The following SERPINA5 variants were observed in gnomAD, a reference collection of about 807,000 sequenced individuals.
SERPINA5 encodes serpin family A member 5, also known as plasma serine protease inhibitor.
In SERPINA5, 25 loss-of-function variants were observed where a neutral mutation model predicts 25.3. That is an observed-to-expected ratio of 0.99 (90% CI 0.72 to 1.38). The LOEUF (loss-of-function observed/expected upper bound fraction) is 1.38, where lower values mean the gene tolerates loss of function less well. Ranked by LOEUF, SERPINA5 falls within the 40% of genes most tolerant of loss-of-function variation. SERPINA5 has a pLI of 0.00. For synonymous variants in SERPINA5, 234 were observed against 206.2 expected, an observed-to-expected ratio of 1.14 and a Z score of -1.16; for missense variants, 599 against 509.5, an observed-to-expected ratio of 1.18 and a Z score of -1.69.
At chr14:94,586,842 A>G (rs1885102622) in intron 2 of SERPINA5, 1 of 152,982 alleles carries the variant, frequency 6.5e-6, no homozygotes, top group African/African-American at 2.4e-5. Flanking sequence ...TGCTGAATGA[A>G]CAGGGCAAGG....
intron 3 of SERPINA5, among the ~76,000 whole-genome samples, chr14:94,588,724 C>A (rs1885178868): frequency 1.3e-5 from 2 of 152,184 alleles, no homozygotes; most frequent in South Asian, 4.1e-4. Context: ...GGCTTAGCAA[C>A]AACAAACATA....
At chr14:94,591,270 A>C (rs1159557398) in intron 5 of SERPINA5, among the ~76,000 whole-genome samples, 15 of 75,922 alleles carry the variant, frequency 2.0e-4, no homozygotes, top group South Asian at 4.2e-4. Flanking sequence ...CCTCCACTCC[A>C]CTCCTCCACT....
chr14:94,588,787 T>C (rs909846027), intron 3 of SERPINA5, among the ~76,000 whole-genome samples: 8 of 152,164 alleles, frequency 5.3e-5, no homozygotes, highest in African/African-American at 1.9e-4. Context: ...CACTGGCAGA[T>C]GCAGTGCCCA....
intron 2 of SERPINA5, among the ~76,000 whole-genome samples, chr14:94,583,819 C>G (rs982288354): frequency 3.3e-5 from 5 of 152,202 alleles, no homozygotes; most frequent in African/African-American, 9.7e-5. Flanking sequence ...GGCAGCCCAA[C>G]CAAGCTTTCA....
rs1885334470 is a variant in SERPINA5, at chr14:94,592,374, T to C, written c.*135T>C. 2 of 851,144 alleles carry C rather than the reference T, an allele frequency of 2.3e-6. No individual in the cohort carries two copies. The highest frequency in any genetic ancestry group is 1.8e-5 in the South Asian group (1 of 54,714). The allele number at this position is 851,144 out of a possible 1,614,324, so 52.7% of individuals were successfully genotyped here. On this transcript the variant is annotated 3_prime_UTR_variant, in exon 6 of 6. Transcript: ENST00000329597. ...AATGAGGCATTACAAATAATATTAC[T>C]CTATGATGATTGCTTCCACCCACAC...
At position 94,590,140 on chromosome 14, in the gene SERPINA5, A is replaced by G. The variant is rs1316700520; in HGVS notation, c.719A>G (p.Asp240Gly). Residue 240 changes from aspartate (D) to glycine (G), a missense_variant, in exon 4 of 6, where the codon GAT (aspartate) becomes GGT (glycine). Asp to Gly is a moderately conservative substitution (Grantham distance 94). Coordinates refer to ENST00000329597, the MANE Select transcript of SERPINA5 (RefSeq NM_000624.6). ...VVRVPMMSRE[D>G]QYHYLLDRNL... ...CGGGTACCCATGATGAGCCGCGAGG[A>G]TCAGTATCACTACCTCCTGGACCGG... 1.9e-6 allele frequency: 3 copies of G among 1,613,984 alleles called. No homozygotes were observed. The highest frequency in any genetic ancestry group is 2.5e-6 in the Non-Finnish European group (3 of 1,180,022).
At chr14:94,585,015 G>A (rs533958285) in intron 2 of SERPINA5, among the ~76,000 whole-genome samples, 1 of 152,186 alleles carries the variant, frequency 6.6e-6, no homozygotes, top group Non-Finnish European at 1.5e-5. Flanking sequence ...CTGCAGATTA[G>A]GGCTATTGTT....
Position 94,590,110 on chromosome 14 carries a change from TG to T in SERPINA5, c.691del (p.Val231CysfsTer5). 6.2e-7 allele frequency: 1 copy of T among 1,613,854 alleles called. No individual in the cohort carries two copies. Among genetic ancestry groups the T allele is most frequent in the Non-Finnish European group, 8.5e-7 (1 of 1,179,848 alleles). ...EQDFYVTSET[V>X]VRVPMMSRED... is the part of the protein sequence containing the mutation. ...GACTTCTACGTGACCTCGGAGACTG[TG>T]GTGCGGGTACCCATGATGAGCCGCG... On this transcript the variant is annotated frameshift_variant, in exon 4 of 6. Transcript: ENST00000329597. LOFTEE classifies it high-confidence loss of function.
chr14:94,585,256 G>T (rs767849921), intron 2 of SERPINA5, among the ~76,000 whole-genome samples: 5 of 152,162 alleles, frequency 3.3e-5, no homozygotes, highest in Non-Finnish European at 5.9e-5. Context: ...GGCTGAAGGA[G>T]TTGGCACAGT....
At chr14:94,583,505 C>A (rs1198919935) in intron 2 of SERPINA5, among the ~76,000 whole-genome samples, 1 of 152,188 alleles carries the variant, frequency 6.6e-6, no homozygotes, top group Non-Finnish European at 1.5e-5. Flanking sequence ...TCTGCCTGGG[C>A]TCCAAGCCTC....
intron 5 of SERPINA5, among the ~76,000 whole-genome samples, chr14:94,591,462 C>T (rs1885288782): frequency 6.6e-6 from 1 of 151,326 alleles, no homozygotes; most frequent in South Asian, 2.1e-4. Flanking sequence ...CTCCACTCCA[C>T]TCTCTACTAT....
chr14:94,591,797 C>T (rs1885311802), intron 5 of SERPINA5, among the ~76,000 whole-genome samples: 1 of 152,132 alleles, frequency 6.6e-6, no homozygotes. Context: ...TCTGAGCTTC[C>T]TTTCTCTCTT....
chr14:94,585,764 C>CGTGT (rs3138588), intron 2 of SERPINA5, among the ~76,000 whole-genome samples: 5,029 of 145,774 alleles, frequency 0.034, 138 homozygotes, highest in African/African-American at 0.074. Context: ...CAGGCTCACA[C>CGTGT]GTGTGTGTGT....
At position 94,591,564 on chromosome 14, in the gene SERPINA5, A is replaced by ATTCTATTCTATTCTATTCTATTCTATTC. The variant is rs1566839331; in HGVS notation, c.1039-491_1039-464dup. ...ATTCTGTTCTGTTCTATTCTATTCT[A>ATTCTATTCTATTCTATTCTATTCTATTC]TTCTATTCTATTCTATTCTATTCTA... On this transcript the variant is annotated intron_variant, in intron 5 of 5. Coordinates refer to ENST00000329597, the MANE Select transcript of SERPINA5 (RefSeq NM_000624.6). 1.5e-3 allele frequency among the ~76,000 whole-genome samples: 214 copies of ATTCTATTCTATTCTATTCTATTCTATTC among 144,482 alleles called. 1 individual carries two copies. The highest frequency in any genetic ancestry group is 5.4e-3 in the African/African-American group (206 of 37,822). 94.8% of individuals were successfully genotyped at this position (144,482 alleles called of 152,430 possible).
At chr14:94,585,796 T>TGTGTGTGC (rs1555384393) in intron 2 of SERPINA5, among the ~76,000 whole-genome samples, 24 of 132,698 alleles carry the variant, frequency 1.8e-4, no homozygotes, top group Middle Eastern at 4.0e-3. Context: ...TGTGTGTGTG[T>TGTGTGTGC]GTGTGTGTAA....
In SERPINA5 at chr14:94,590,179, G is replaced by A. The variant is rs1426193268; in HGVS notation, c.758G>A (p.Arg253Lys). The stretch of plus-strand genomic sequence containing the variant: ...CTCCTGGACCGGAACCTCTCCTGCA[G>A]GGTGGTGGGGGTCCCCTACCAAGGC... Reference protein sequence around the residue: ...HYLLDRNLSCRVVGVPYQGNA... With the variant: ...HYLLDRNLSCKVVGVPYQGNA... Residue 253 changes from arginine to lysine, a missense_variant, in exon 4 of 6, where the codon AGG becomes AAG. Transcript: ENST00000329597. 3.1e-6 allele frequency: 5 copies of A among 1,614,144 alleles called. No homozygotes were observed. In the Admixed American group the frequency reaches 5.0e-5, roughly 16 times the overall value.
At position 94,583,895 on chromosome 14, in the gene SERPINA5, G is replaced by A. The variant is rs17753261; in HGVS notation, c.-18+2185G>A. Among the ~76,000 whole-genome samples, 1,125 of 152,320 alleles carry A rather than the reference G, an allele frequency of 7.4e-3. 12 individuals carry two copies. The highest frequency in any genetic ancestry group is 9.7e-3 in the Non-Finnish European group (659 of 68,030). On this transcript the variant is annotated intron_variant, in intron 2 of 5. Transcript: ENST00000329597. ...CAGGGCTTCACCTGTCTCTGTCAAAGCCATGTATTTCCACCAGAGGCCCAA... is the reference window on the plus strand; with the variant it reads ...CAGGGCTTCACCTGTCTCTGTCAAAACCATGTATTTCCACCAGAGGCCCAA...
Position 94,590,126 on chromosome 14 carries a change from G to T in SERPINA5, c.705G>T (p.Met235Ile). The change falls in exon 4 of 6, where the codon ATG becomes ATT. Residue 235 changes from methionine to isoleucine, a missense_variant. Transcript: ENST00000329597. ...CGGAGACTGTGGTGCGGGTACCCAT[G>T]ATGAGCCGCGAGGATCAGTATCACT... is the stretch of plus-strand genomic sequence containing the variant. ...VTSETVVRVP[M>I]MSREDQYHYL... 1 of 1,614,132 alleles carries T rather than the reference G, an allele frequency of 6.2e-7. No homozygotes were observed. The highest frequency in any genetic ancestry group is 1.1e-5 in the South Asian group (1 of 91,066).
chr14:94,587,617 C>T lies in SERPINA5; in HGVS notation c.255C>T (p.Ser85=). The change falls in exon 3 of 6, where the codon TCC becomes TCT. Residue 85 remains serine (S), a synonymous_variant. Transcript: ENST00000329597. ...SLAMLSLGAG[S]STKMQILEGL... is the part of the protein sequence containing the mutation. ...CCATGCTCTCCCTGGGGGCTGGGTC[C>T]AGCACAAAGATGCAGATCCTGGAGG... 6.2e-7 allele frequency: 1 copy of T among 1,614,114 alleles called. No individual in the cohort carries two copies. The highest frequency in any genetic ancestry group is 8.5e-7 in the Non-Finnish European group (1 of 1,179,976).
Sources: gnomAD v4.1 joint callset for allele counts (sites outside exome capture counted in the v4.1 genomes callset) on GRCh38, gnomAD v4.1.1 for gene constraint, MANE v1.5 for transcripts, NCBI Gene and HGNC (gene_info 2026-07-23, HGNC 2026-07-21) for gene names.